HOMER1: variants seen among roughly 807,000 people sequenced by gnomAD.
HOMER1 encodes homer protein homolog 1.
A neutral mutation model predicts 48.9 loss-of-function variants in HOMER1; 3 were observed. The observed-to-expected ratio is 0.06, with a 90% CI of 0.03 to 0.16. The LOEUF is 0.16. HOMER1 is among the 10% of genes least tolerant of loss of function. The pLI is 1.00. For synonymous variants in HOMER1, 134 were observed against 146.4 expected, an observed-to-expected ratio of 0.92 and a Z score of 0.61; for missense variants, 247 against 411.4, an observed-to-expected ratio of 0.60 and a Z score of 3.46.
At chr5:79,506,175 G>T (rs1274722769) in intron 1 of HOMER1, among the ~76,000 whole-genome samples, 6 of 151,572 alleles carry the variant, frequency 4.0e-5, no homozygotes, top group Non-Finnish European at 8.8e-5. Flanking sequence ...AGTGCAATGG[G>T]GCAATCTCGG....
chr5:79,475,912 A>G (rs1751763493), intron 1 of HOMER1, among the ~76,000 whole-genome samples: 1 of 152,192 alleles, frequency 6.6e-6, no homozygotes, highest in African/African-American at 2.4e-5. Flanking sequence ...AGTGCTTAAC[A>G]GCAATCATAA....
intron 5 of HOMER1, among the ~76,000 whole-genome samples, chr5:79,424,936 T>C (rs186583690): frequency 1.7e-3 from 260 of 152,182 alleles, no homozygotes; most frequent in Middle Eastern, 3.4e-3. Context: ...CGCCAAGTCA[T>C]TCTCTTCTTC....
At chr5:79,485,198 T>C (rs1752064851) in intron 1 of HOMER1, among the ~76,000 whole-genome samples, 1 of 152,186 alleles carries the variant, frequency 6.6e-6, no homozygotes, top group South Asian at 2.1e-4. Flanking sequence ...GTACTAAACA[T>C]TTCTTAGTTA....
intron 4 of HOMER1, 62 bp downstream of exon 4, chr5:79,446,991 C>A: frequency 1.9e-6 from 2 of 1,025,804 alleles, no homozygotes; most frequent in Non-Finnish European, 3.1e-6. Context: ...TTAATTCTGG[C>A]ATGAAGGATA....
intron 4 of HOMER1, among the ~76,000 whole-genome samples, chr5:79,441,592 C>G (rs559403760): frequency 6.6e-6 from 1 of 151,908 alleles, no homozygotes; most frequent in African/African-American, 2.4e-5. Flanking sequence ...GGTCATTATA[C>G]CTAAAGTAAA....
chr5:79,435,986 C>T (rs1308294727), intron 5 of HOMER1, among the ~76,000 whole-genome samples: 9 of 136,616 alleles, frequency 6.6e-5, no homozygotes, highest in Admixed American at 7.3e-5. Context: ...ATTAGCCGGG[C>T]GCGGTGGCGG....
intron 1 of HOMER1, among the ~76,000 whole-genome samples, chr5:79,489,097 A>G (rs1752198767): frequency 6.6e-6 from 1 of 152,224 alleles, no homozygotes; most frequent in African/African-American, 2.4e-5. Flanking sequence ...CTATTCTCAA[A>G]GACAGTTCAT....
chr5:79,430,061 C>T (rs1410426539), intron 5 of HOMER1, among the ~76,000 whole-genome samples: 1 of 147,958 alleles, frequency 6.8e-6, no homozygotes, highest in Non-Finnish European at 1.5e-5. Flanking sequence ...CTGCAAAGCA[C>T]CAAGAAAAAA....
At chr5:79,495,473 C>T (rs1157160175) in intron 1 of HOMER1, among the ~76,000 whole-genome samples, 3 of 152,194 alleles carry the variant, frequency 2.0e-5, no homozygotes, top group Admixed American at 2.0e-4. Context: ...CCAAACACAA[C>T]ATACATCTCT....
intron 8 of HOMER1, among the ~76,000 whole-genome samples, chr5:79,380,898 C>G (rs1748952294): frequency 6.6e-6 from 1 of 152,160 alleles, no homozygotes; most frequent in African/African-American, 2.4e-5. Flanking sequence ...GCCGCCACTG[C>G]CAACACCAGC....
At chr5:79,470,424 C>T (rs966695594) in intron 1 of HOMER1, among the ~76,000 whole-genome samples, 4 of 152,102 alleles carry the variant, frequency 2.6e-5, no homozygotes, top group Admixed American at 1.3e-4. Context: ...GATTTAAAGA[C>T]CTGGGCATAA....
intron 5 of HOMER1, among the ~76,000 whole-genome samples, chr5:79,406,755 T>C (rs1284625090): frequency 1.3e-5 from 2 of 152,052 alleles, no homozygotes; most frequent in Non-Finnish European, 2.9e-5. Flanking sequence ...GAACAGAAAA[T>C]AGTCCTGGAT....
intron 5 of HOMER1, among the ~76,000 whole-genome samples, chr5:79,412,542 G>C (rs533661729): frequency 6.6e-6 from 1 of 152,182 alleles, no homozygotes; most frequent in Non-Finnish European, 1.5e-5. Flanking sequence ...GCACACATGG[G>C]ACAGATGCAA....
chr5:79,495,435 G>C (rs530361002), intron 1 of HOMER1, among the ~76,000 whole-genome samples: 1 of 152,302 alleles, frequency 6.6e-6, no homozygotes, highest in South Asian at 2.1e-4. Context: ...CTTCCAAGGT[G>C]GAGGTGGGCA....
chr5:79,451,273 T>C (rs112482489), intron 2 of HOMER1, 152 bp from the exon 3 acceptor site: 13 of 704,244 alleles, frequency 1.8e-5, no homozygotes, highest in African/African-American at 1.8e-4. Flanking sequence ...TCTGGCATTA[T>C]AAGTGATAGT....
At chr5:79,464,799 T>C (rs529623579) in intron 1 of HOMER1, among the ~76,000 whole-genome samples, 2 of 152,302 alleles carry the variant, frequency 1.3e-5, no homozygotes, top group East Asian at 1.9e-4. Context: ...AATAAGCTGA[T>C]TGCTTATACA....
In HOMER1 at chr5:79,435,923, G is replaced by A. The variant is rs1161019976; in HGVS notation, c.527+3087C>T. The stretch of plus-strand genomic sequence containing the variant: ...GGGTGGATCATGAGGTCGGGAGATC[G>A]AGACCATCCTGGCTAACAAGGTGAA... On this transcript the variant is annotated intron_variant, in intron 5 of 8. Coordinates refer to ENST00000334082, the MANE Select transcript of HOMER1 (RefSeq NM_004272.5). Among the ~76,000 whole-genome samples, 5 of 148,188 alleles carry A rather than the reference G, an allele frequency of 3.4e-5. No individual in the cohort carries two copies. The Admixed American group carries it at 3.4e-4, about 10-fold the overall frequency.
chr5:79,501,606 T>C (rs531044962), intron 1 of HOMER1, among the ~76,000 whole-genome samples: 11 of 152,214 alleles, frequency 7.2e-5, no homozygotes, highest in Non-Finnish European at 1.6e-4. Flanking sequence ...TATAAGAAAC[T>C]AAGTTTGCAG....
intron 8 of HOMER1, among the ~76,000 whole-genome samples, chr5:79,389,504 G>A (rs560096555): frequency 6.6e-6 from 1 of 152,282 alleles, no homozygotes; most frequent in African/African-American, 2.4e-5. Context: ...AGACGATTAG[G>A]TCATGAGGGC....
Sources: allele counts gnomAD v4.1 joint callset (sites outside exome capture counted in the v4.1 genomes callset), GRCh38; gene constraint gnomAD v4.1.1; transcripts MANE v1.5; gene names NCBI Gene and HGNC (gene_info 2026-07-23, HGNC 2026-07-21).